The following PHYKPL variants were observed in gnomAD, a reference collection of about 807,000 sequenced individuals.
PHYKPL encodes 5-phosphohydroxy-L-lysine phospho-lyase.
Under a neutral mutation model 51.3 loss-of-function variants are expected in PHYKPL, and 42 were observed. That is an observed-to-expected ratio of 0.82 (90% CI 0.64 to 1.06). PHYKPL has a LOEUF of 1.06. PHYKPL is among the 50% of genes least tolerant of loss of function. The pLI, the probability that PHYKPL is intolerant of heterozygous loss-of-function variation, is 0.00. For missense variants in PHYKPL, 655 were observed against 586.6 expected (o/e 1.12, Z -1.20); for synonymous variants, 264 against 236.0 (o/e 1.12, Z -1.09).
At chr5:178,231,823 A>C in intron 1 of PHYKPL, 1 of 1,371,424 alleles carries the variant, frequency 7.3e-7, no homozygotes, top group South Asian at 1.2e-5. Context: ...ATCCTGAGAA[A>C]AGGTGGCTGC....
In PHYKPL at chr5:178,211,931, A is replaced by C. The variant is rs200824280; in HGVS notation, c.1343T>G (p.Leu448Arg). ...CAGAGCAGGGCTGGCTTAGGGCTGG[A>C]GCCTCAGCGTTTCACAACTTCTCAC... Reference protein sequence around the residue: ...EKVRSCETLRLQP With the variant: ...EKVRSCETLRRQP The change falls in exon 12 of 13, where the codon CTC (leucine) becomes CGC (arginine). Residue 448 changes from leucine (L) to arginine (R), a missense_variant. Coordinates refer to ENST00000308158, the MANE Select transcript of PHYKPL (RefSeq NM_153373.4). 6.2e-7 allele frequency: 1 copy of C among 1,613,328 alleles called. No individual in the cohort carries two copies. Among genetic ancestry groups the C allele is most frequent in the Non-Finnish European group, 8.5e-7 (1 of 1,179,234 alleles).
At chr5:178,224,307 C>T in intron 6 of PHYKPL, 141 bp downstream of exon 6, 2 of 947,092 alleles carry the variant, frequency 2.1e-6, no homozygotes, top group Non-Finnish European at 3.1e-6. Context: ...CTGCTGAGCC[C>T]AAACTGCCCC....
At chr5:178,220,561 C>A (rs1214571356) in intron 8 of PHYKPL, among the ~76,000 whole-genome samples, 1 of 151,988 alleles carries the variant, frequency 6.6e-6, no homozygotes, top group East Asian at 1.9e-4. Context: ...AACTTGTGAA[C>A]TACTTTAGAA....
intron 3 of PHYKPL, chr5:178,225,716 T>G: frequency 2.2e-6 from 1 of 447,906 alleles, no homozygotes; most frequent in Non-Finnish European, 4.1e-6. Flanking sequence ...TTCCTCTGCT[T>G]TCACACTACA....
intron 8 of PHYKPL, among the ~76,000 whole-genome samples, chr5:178,217,226 ATTT>A (rs58049202): frequency 1.4e-5 from 2 of 143,644 alleles, no homozygotes; most frequent in Non-Finnish European, 3.0e-5. Flanking sequence ...GGCTCAACAG[ATTT>A]TTTTTTTTTT....
chr5:178,226,978 AAAG>A (rs57831675), intron 3 of PHYKPL, among the ~76,000 whole-genome samples: 41,704 of 151,880 alleles, frequency 0.27, 6,480 homozygotes, highest in African/African-American at 0.43. Flanking sequence ...CAAAGCCAAA[AAAG>A]AAGAAGTGAT....
At chr5:178,227,855 G>A (rs972296318) in intron 3 of PHYKPL, among the ~76,000 whole-genome samples, 3 of 152,210 alleles carry the variant, frequency 2.0e-5, no homozygotes, top group Admixed American at 1.3e-4. Context: ...GAGAGGTGGA[G>A]GGAGTTAAGA....
At chr5:178,214,912 G>C in intron 9 of PHYKPL, 27 bp from the exon 10 acceptor site, 2 of 1,609,704 alleles carry the variant, frequency 1.2e-6, no homozygotes, top group Non-Finnish European at 1.7e-6. Flanking sequence ...CGACATCTCA[G>C]GAGGCCAGGC....
Position 178,212,597 on chromosome 5 carries a change from CAT to C in PHYKPL, c.1303+374_1303+375del, listed in dbSNP as rs146368568. On this transcript the variant is annotated intron_variant, in intron 11 of 12. Coordinates refer to ENST00000308158, the MANE Select transcript of PHYKPL (RefSeq NM_153373.4). ...CCCAGCAGCCTTGTGTGACCTGTCTCATGTACAGAATGAAACTCCTGCCATCT... is the reference window on the plus strand; with the variant it reads ...CCCAGCAGCCTTGTGTGACCTGTCTCGTACAGAATGAAACTCCTGCCATCT... 4.8e-3 allele frequency among the ~76,000 whole-genome samples: 729 copies of C among 152,354 alleles called. 8 individuals are homozygous for C. Among genetic ancestry groups the C allele is most frequent in the African/African-American group, 0.017 (701 of 41,580 alleles).
chr5:178,211,123 A>G (rs1389535911), intron 12 of PHYKPL: 1 of 157,352 alleles, frequency 6.4e-6, no homozygotes, highest in Non-Finnish European at 1.4e-5. Flanking sequence ...CTGGATATTG[A>G]AGCTATCCAA....
intron 8 of PHYKPL, among the ~76,000 whole-genome samples, chr5:178,221,666 CCT>C (rs1044277626): frequency 2.6e-5 from 4 of 152,126 alleles, no homozygotes; most frequent in African/African-American, 9.7e-5. Flanking sequence ...AATTCTCAAC[CCT>C]CTGTCCCTGC....
chr5:178,231,503 A>G lies in PHYKPL; in HGVS notation c.80T>C (p.Phe27Ser), dbSNP rs970531023. ...GACAATCTTAACAGGATCCTCGGGA[A>G]AAAAGAGTCTGCAGGAAGAGCTGTG... is the stretch of plus-strand genomic sequence containing the variant. ...RLISSSCRLF[F>S]PEDPVKIVRA... is the part of the protein sequence containing the mutation. The change falls in exon 2 of 13, where the codon TTT becomes TCT. Residue 27 changes from phenylalanine (F) to serine (S), a missense_variant. Transcript: ENST00000308158. 45 of 1,614,146 alleles carry G rather than the reference A, an allele frequency of 2.8e-5. No homozygotes were observed. The highest frequency in any genetic ancestry group is 3.8e-5 in the Non-Finnish European group (45 of 1,180,012).
chr5:178,224,741 A>G lies in PHYKPL; in HGVS notation c.414-12T>C. On this transcript the variant is annotated splice_polypyrimidine_tract_variant and intron_variant, in intron 4 of 12. Coordinates refer to ENST00000308158, the MANE Select transcript of PHYKPL (RefSeq NM_153373.4). ...GGCCGTGATACGCACTGGGGAGGAG[A>G]AGGGAGGGTAGGCTCGGGTCCGGGC... 1 of 1,607,118 alleles carries G rather than the reference A, an allele frequency of 6.2e-7. No homozygotes were observed. Among genetic ancestry groups the G allele is most frequent in the Non-Finnish European group, 8.5e-7 (1 of 1,174,436 alleles).
Position 178,208,514 on chromosome 5 carries a change from T to G in PHYKPL, c.*433A>C, listed in dbSNP as rs527506769. On this transcript the variant is annotated 3_prime_UTR_variant, in exon 13 of 13. Transcript: ENST00000308158. ...ATATTTAGTTGGTTATATTCAGTAT[T>G]TTTAATTTAGTAGGATAGAATATAT... 1 of 152,320 alleles carries G rather than the reference T, an allele frequency of 6.6e-6. No homozygotes were observed. Among genetic ancestry groups the G allele is most frequent in the East Asian group, 1.9e-4 (1 of 5,188 alleles). The allele number at this position is 152,320 out of a possible 1,614,324, so 9.4% of individuals were successfully genotyped here.
rs1757298380 is a variant in PHYKPL at position 178,208,906 on chromosome 5, T to G, written c.*41A>C. On this transcript the variant is annotated 3_prime_UTR_variant, in exon 13 of 13. Coordinates refer to ENST00000308158, the MANE Select transcript of PHYKPL (RefSeq NM_153373.4). ...CTCAATAGCGTGTATTTGGATGAGATGAGTTTCTTCTGTAAAGAGAAAAAG... is the reference window on the plus strand; with the variant it reads ...CTCAATAGCGTGTATTTGGATGAGAGGAGTTTCTTCTGTAAAGAGAAAAAG... 1 of 157,808 alleles carries G rather than the reference T, an allele frequency of 6.3e-6. No homozygotes were observed. Among genetic ancestry groups the G allele is most frequent in the African/African-American group, 2.4e-5 (1 of 41,540 alleles). 9.8% of individuals were successfully genotyped at this position (157,808 alleles called of 1,614,324 possible).
rs533293365 is a variant in PHYKPL, at chr5:178,220,892, AT to A, written c.927+1462del. Among the ~76,000 whole-genome samples, 6 of 152,310 alleles carry A rather than the reference AT, an allele frequency of 3.9e-5. No homozygotes were observed. The South Asian group carries it at 1.0e-3, about 26-fold the overall frequency. Reference sequence around the variant, plus strand: ...TAGTGATATGTTAGTAGAAAAAAAAATCCCCAGAGTATATACAGCATGATAG... The same window carrying A: ...TAGTGATATGTTAGTAGAAAAAAAAACCCCAGAGTATATACAGCATGATAG... On this transcript the variant is annotated intron_variant, in intron 8 of 12. Coordinates refer to ENST00000308158, the MANE Select transcript of PHYKPL (RefSeq NM_153373.4).
chr5:178,210,471 G>T, intron 12 of PHYKPL: 2 of 1,503,880 alleles, frequency 1.3e-6, no homozygotes, highest in Non-Finnish European at 1.8e-6. Context: ...GCTGGTGAGG[G>T]TCCTGGGAAG....
At chr5:178,218,061 A>G (rs1760247039) in intron 8 of PHYKPL, among the ~76,000 whole-genome samples, 2 of 118,566 alleles carry the variant, frequency 1.7e-5, no homozygotes, top group Non-Finnish European at 3.4e-5. Context: ...ACTAAAAAAT[A>G]CAAAAATTAG....
At chr5:178,214,750 T>C (rs778355001) in intron 10 of PHYKPL, 46 bp downstream of exon 10, 5 of 1,552,840 alleles carry the variant, frequency 3.2e-6, no homozygotes, top group Non-Finnish European at 2.7e-6. Context: ...GAGGTACCTG[T>C]GGTGTCTCCT....
Sources: gnomAD v4.1 joint callset for allele counts (sites outside exome capture counted in the v4.1 genomes callset) on GRCh38, gnomAD v4.1.1 for gene constraint, MANE v1.5 for transcripts, NCBI Gene and HGNC (gene_info 2026-07-23, HGNC 2026-07-21) for gene names.